The following RGL1 variants were observed in gnomAD, a reference collection of about 807,000 sequenced individuals.
RGL1 encodes ral guanine nucleotide dissociation stimulator like 1, also known as ral guanine nucleotide dissociation stimulator-like 1.
In RGL1, 24 loss-of-function variants were observed where a neutral mutation model predicts 95.2. That is an observed-to-expected ratio of 0.25 (90% CI 0.18 to 0.35). The LOEUF (loss-of-function observed/expected upper bound fraction) is 0.35, where lower values mean the gene tolerates loss of function less well. RGL1 is among the 10% of genes least tolerant of loss of function. The pLI, the probability that RGL1 is intolerant of heterozygous loss-of-function variation, is 1.00. For synonymous variants in RGL1, 329 were observed against 344.9 expected, an observed-to-expected ratio of 0.95 and a Z score of 0.51; for missense variants, 715 against 936.3, an observed-to-expected ratio of 0.76 and a Z score of 3.08.
At chr1:183,643,303 T>C (rs904768054) in intron 1 of RGL1, among the ~76,000 whole-genome samples, 2 of 149,326 alleles carry the variant, frequency 1.3e-5, no homozygotes, top group Non-Finnish European at 3.0e-5. Flanking sequence ...TATTTATTTA[T>C]TTATTTTGAG....
At chr1:183,684,704 G>C (rs947432694) in intron 1 of RGL1, among the ~76,000 whole-genome samples, 4 of 152,226 alleles carry the variant, frequency 2.6e-5, no homozygotes, top group African/African-American at 9.6e-5. Context: ...TTGAAACCCA[G>C]GGCCCTGGTG....
chr1:183,706,124 C>G (rs1385263091), intron 1 of RGL1, among the ~76,000 whole-genome samples: 1 of 151,996 alleles, frequency 6.6e-6, no homozygotes. Flanking sequence ...GCGTTGGGTA[C>G]TATGGGGAAT....
intron 9 of RGL1, among the ~76,000 whole-genome samples, chr1:183,896,389 G>A (rs905426254): frequency 6.6e-6 from 1 of 152,204 alleles, no homozygotes; most frequent in Admixed American, 6.5e-5. Context: ...AACTATGAAT[G>A]GGAGATCATT....
intron 1 of RGL1, among the ~76,000 whole-genome samples, chr1:183,676,277 G>A (rs1652823025): frequency 6.6e-6 from 1 of 152,098 alleles, no homozygotes; most frequent in Admixed American, 6.5e-5. Context: ...TTGATTTTAT[G>A]TTTATTTAAT....
intron 1 of RGL1, among the ~76,000 whole-genome samples, chr1:183,656,472 C>G (rs1390647629): frequency 1.3e-5 from 2 of 152,346 alleles, no homozygotes; most frequent in East Asian, 1.9e-4. Flanking sequence ...TACTCTTGTA[C>G]CAATCACCAA....
chr1:183,694,211 G>C (rs1654125030), intron 1 of RGL1, among the ~76,000 whole-genome samples: 1 of 152,170 alleles, frequency 6.6e-6, no homozygotes, highest in African/African-American at 2.4e-5. Flanking sequence ...AAGAGGACTG[G>C]CTGCATGAGT....
At chr1:183,789,018 T>C (rs1414752352) in intron 2 of RGL1, among the ~76,000 whole-genome samples, 1 of 152,262 alleles carries the variant, frequency 6.6e-6, no homozygotes, top group Non-Finnish European at 1.5e-5. Context: ...TTGAATTCTA[T>C]GGGCTTAGCC....
chr1:183,904,799 C>T, intron 12 of RGL1, 51 bp from the exon 13 acceptor site: 3 of 1,546,740 alleles, frequency 1.9e-6, no homozygotes, highest in South Asian at 2.5e-5. Context: ...ATTTGGTTGG[C>T]CTTATTATTC....
chr1:183,665,760 C>T (rs966711047), intron 1 of RGL1, among the ~76,000 whole-genome samples: 6 of 151,938 alleles, frequency 3.9e-5, no homozygotes, highest in South Asian at 2.1e-4. Flanking sequence ...ATTAGTAATT[C>T]GTGTCCTTCT....
At chr1:183,637,553 T>C (rs1242393867) in intron 1 of RGL1, among the ~76,000 whole-genome samples, 1 of 152,188 alleles carries the variant, frequency 6.6e-6, no homozygotes, top group African/African-American at 2.4e-5. Context: ...AATACATATA[T>C]AATGTGTGTA....
intron 14 of RGL1, among the ~76,000 whole-genome samples, chr1:183,909,033 G>A (rs1044760982): frequency 2.0e-5 from 3 of 152,188 alleles, no homozygotes; most frequent in African/African-American, 4.8e-5. Flanking sequence ...GACTGTGAGG[G>A]TGCTATGCCC....
rs1393999814 is a variant in RGL1, at chr1:183,663,012, T to G, written c.-33+26511T>G. Among the ~76,000 whole-genome samples, 2 of 151,840 alleles carry G rather than the reference T, an allele frequency of 1.3e-5. 1 individual carries two copies. Among genetic ancestry groups the G allele is most frequent in the Non-Finnish European group, 2.9e-5 (2 of 67,860 alleles). ...GCTGGGAAAACTGGCTAGCCATATG[T>G]AGAAAGCTGAAACTGGATCCCTTCC... On this transcript the variant is annotated intron_variant, in intron 1 of 18. Coordinates refer to the RGL1 transcript ENST00000304685.
At chr1:183,738,226 C>G in intron 1 of RGL1, among the ~76,000 whole-genome samples, 1 of 152,142 alleles carries the variant, frequency 6.6e-6, no homozygotes, top group Non-Finnish European at 1.5e-5. Flanking sequence ...TCCAGACCAG[C>G]CTGGCCAACA....
intron 6 of RGL1, among the ~76,000 whole-genome samples, 153 bp downstream of exon 6, chr1:183,884,063 G>A (rs1283051241): frequency 6.6e-6 from 1 of 152,240 alleles, no homozygotes; most frequent in African/African-American, 2.4e-5. Flanking sequence ...GTTAAGATGT[G>A]TCTTGAATCA....
chr1:183,922,747 G>A (rs1026257604), intron 17 of RGL1, among the ~76,000 whole-genome samples: 1 of 152,142 alleles, frequency 6.6e-6, no homozygotes, highest in South Asian at 2.1e-4. Flanking sequence ...AGTGGTTCCT[G>A]TAATAATTTC....
chr1:183,707,517 G>A (rs577638981), intron 1 of RGL1, among the ~76,000 whole-genome samples: 31 of 152,316 alleles, frequency 2.0e-4, no homozygotes, highest in African/African-American at 7.5e-4. Flanking sequence ...ACCTGAGCGA[G>A]TATGGGAAGG....
intron 2 of RGL1, among the ~76,000 whole-genome samples, chr1:183,752,614 C>CTT (rs36165485): frequency 3.2e-5 from 4 of 123,950 alleles, no homozygotes; most frequent in East Asian, 2.1e-4. Context: ...CTCGAGAACA[C>CTT]TTTTTTTTTT....
chr1:183,894,160 C>T (rs1667566745), intron 9 of RGL1, among the ~76,000 whole-genome samples: 1 of 152,184 alleles, frequency 6.6e-6, no homozygotes, highest in South Asian at 2.1e-4. Context: ...TCCCTGTCAG[C>T]AGTACGAAGC....
intron 3 of RGL1, among the ~76,000 whole-genome samples, chr1:183,850,989 C>T (rs941135440): frequency 3.9e-5 from 6 of 152,130 alleles, no homozygotes; most frequent in South Asian, 4.1e-4. Context: ...CACACAGGAA[C>T]TGGAGTGTTT....
Sources: gnomAD v4.1 joint callset for allele counts (sites outside exome capture counted in the v4.1 genomes callset) on GRCh38, gnomAD v4.1.1 for gene constraint, MANE v1.5 for transcripts, NCBI Gene and HGNC (gene_info 2026-07-23, HGNC 2026-07-21) for gene names.